Variants in CNTNAP2 observed in about 807,000 individuals in gnomAD.
The protein encoded by CNTNAP2 is contactin associated protein 2.
CNTNAP2 carries 98 observed loss-of-function variants against 155.2 expected under a neutral mutation model. The ratio of observed to expected loss-of-function variants is 0.63; its 90% CI spans 0.54 to 0.75. The LOEUF is 0.75. CNTNAP2 is among the 30% of genes least tolerant of loss of function. CNTNAP2 has a pLI of 0.00. For missense variants in CNTNAP2, 1,727 were observed against 1,688.1 expected (o/e 1.02, Z -0.40); for synonymous variants, 651 against 631.2 (o/e 1.03, Z -0.47).
chr7:148,212,153 T>TC (rs1795562770), intron 18 of CNTNAP2, among the ~76,000 whole-genome samples: 1 of 149,024 alleles, frequency 6.7e-6, no homozygotes, highest in Non-Finnish European at 1.5e-5. Flanking sequence ...TTTTTTTTTT[T>TC]CTCCCACTGT....
At chr7:146,515,813 C>T (rs753173919) in intron 1 of CNTNAP2, among the ~76,000 whole-genome samples, 16 of 151,982 alleles carry the variant, frequency 1.1e-4, no homozygotes, top group Admixed American at 5.9e-4. Flanking sequence ...TGGGGGCAAT[C>T]GTAGCTGGCT....
In CNTNAP2 at chr7:148,036,210, T is replaced by C. The variant is rs565578027; in HGVS notation, c.2383+58221T>C. Among the ~76,000 whole-genome samples the C allele has an allele frequency of 2.6e-5, 4 of 152,232 alleles. No homozygotes were observed. In the South Asian group the frequency reaches 6.2e-4, roughly 24 times the overall value. On this transcript the variant is annotated intron_variant, in intron 15 of 23. Coordinates refer to ENST00000361727, the MANE Select transcript of CNTNAP2 (RefSeq NM_014141.6). ...GTTGGGGCTGGGATGAGTGAAGAGTTTAGAGTCTATTGAGATAGATTGAAT... is the reference window on the plus strand; with the variant it reads ...GTTGGGGCTGGGATGAGTGAAGAGTCTAGAGTCTATTGAGATAGATTGAAT...
intron 3 of CNTNAP2, among the ~76,000 whole-genome samples, chr7:146,903,989 T>C (rs1585147932): frequency 1.3e-5 from 2 of 150,848 alleles, no homozygotes; most frequent in African/African-American, 5.0e-5. Flanking sequence ...ACATAATTAT[T>C]ATATGTCAAT....
chr7:147,840,719 G>A (rs1429394781), intron 13 of CNTNAP2, among the ~76,000 whole-genome samples: 1 of 152,118 alleles, frequency 6.6e-6, no homozygotes, highest in Non-Finnish European at 1.5e-5. Context: ...ATGTAATCCA[G>A]AAGAGAAATG....
At position 148,405,420 on chromosome 7, in the gene CNTNAP2, A is replaced by ATTTTTTTTTTTTTTTTTTTTTTT. The variant is rs36020816; in HGVS notation, c.3716-3967_3716-3945dup. 8.6e-4 allele frequency among the ~76,000 whole-genome samples: 55 copies of ATTTTTTTTTTTTTTTTTTTTTTT among 64,308 alleles called. 9 individuals carry two copies. The highest frequency in any genetic ancestry group is 9.4e-3 in the Middle Eastern group (1 of 106). The allele number at this position is 64,308 out of a possible 152,430, so 42.2% of individuals were successfully genotyped here. A position where few individuals can be genotyped will look rare whatever the true frequency, so the allele number is the denominator to read the frequency against. ...TCAAGGGAACCAGATTACCATTGTA[A>ATTTTTTTTTTTTTTTTTTTTTTT]TTTTTTTTTTTTTTTTTTTTTTTTT... On this transcript the variant is annotated intron_variant, in intron 22 of 23. Coordinates refer to ENST00000361727, the MANE Select transcript of CNTNAP2 (RefSeq NM_014141.6).
At chr7:147,872,180 T>C (rs1042543644) in intron 13 of CNTNAP2, among the ~76,000 whole-genome samples, 3 of 152,228 alleles carry the variant, frequency 2.0e-5, no homozygotes, top group Admixed American at 2.0e-4. Flanking sequence ...TTGGTTATTT[T>C]GGAATTCCTC....
intron 4 of CNTNAP2, among the ~76,000 whole-genome samples, chr7:147,090,008 C>T (rs751360487): frequency 6.6e-6 from 1 of 152,146 alleles, no homozygotes; most frequent in East Asian, 1.9e-4. Context: ...CTTTATGTCT[C>T]TACAGTTTGC....
chr7:147,852,424 A>G (rs897316058), intron 13 of CNTNAP2, among the ~76,000 whole-genome samples: 1 of 152,190 alleles, frequency 6.6e-6, no homozygotes, highest in Non-Finnish European at 1.5e-5. Context: ...ACATGATTAG[A>G]TGAGACAAAA....
chr7:146,455,595 A>G (rs1048572761), intron 1 of CNTNAP2, among the ~76,000 whole-genome samples: 5 of 152,218 alleles, frequency 3.3e-5, no homozygotes, highest in African/African-American at 1.2e-4. Flanking sequence ...CTCTCATTCT[A>G]TACATAATGT....
At chr7:147,981,551 C>G (rs73464281) in intron 15 of CNTNAP2, among the ~76,000 whole-genome samples, 2 of 152,268 alleles carry the variant, frequency 1.3e-5, no homozygotes, top group Non-Finnish European at 2.9e-5. Flanking sequence ...GAACCTGCCT[C>G]TTGAATTAGG....
chr7:146,893,264 T>G (rs1300986232), intron 3 of CNTNAP2, among the ~76,000 whole-genome samples: 1 of 152,076 alleles, frequency 6.6e-6, no homozygotes, highest in Non-Finnish European at 1.5e-5. Context: ...AGTTTTAAAT[T>G]TTATACCTTT....
intron 9 of CNTNAP2, among the ~76,000 whole-genome samples, chr7:147,334,214 G>A (rs141528699): frequency 4.6e-4 from 70 of 152,208 alleles, no homozygotes; most frequent in Middle Eastern, 3.4e-3. Flanking sequence ...TATTCTATCT[G>A]CCTCCTCCTT....
At chr7:147,083,576 GTATA>G (rs376711756) in intron 4 of CNTNAP2, among the ~76,000 whole-genome samples, 4,361 of 133,834 alleles carry the variant, frequency 0.033, 209 homozygotes, top group African/African-American at 0.11. Flanking sequence ...ACATATATAT[GTATA>G]TATATATACA....
chr7:148,390,813 T>C (rs2116677637), intron 22 of CNTNAP2, among the ~76,000 whole-genome samples: 1 of 152,346 alleles, frequency 6.6e-6, no homozygotes, highest in South Asian at 2.1e-4. Flanking sequence ...CACTATTTGT[T>C]ACCTCTCCAA....
chr7:147,352,251 A>T (rs1472675949), intron 9 of CNTNAP2, among the ~76,000 whole-genome samples: 1 of 151,980 alleles, frequency 6.6e-6, no homozygotes, highest in African/African-American at 2.4e-5. Flanking sequence ...TTCTGCAATG[A>T]CTATAATGTA....
intron 9 of CNTNAP2, among the ~76,000 whole-genome samples, chr7:147,325,156 T>C (rs1360921652): frequency 3.3e-5 from 5 of 151,920 alleles, no homozygotes; most frequent in African/African-American, 1.2e-4. Flanking sequence ...AAAAATTAGC[T>C]GGGCATGGTG....
chr7:148,150,738 T>TTTTG (rs374848902), intron 17 of CNTNAP2, among the ~76,000 whole-genome samples: 42 of 152,148 alleles, frequency 2.8e-4, no homozygotes, highest in African/African-American at 6.7e-4. Flanking sequence ...TATTTCTATG[T>TTTTG]TTTGTTTGTT....
At chr7:147,055,086 C>T (rs576026552) in intron 4 of CNTNAP2, among the ~76,000 whole-genome samples, 1 of 152,182 alleles carries the variant, frequency 6.6e-6, no homozygotes, top group Admixed American at 6.5e-5. Flanking sequence ...CAACCCGTAC[C>T]AATCATTTTG....
At chr7:146,677,484 C>T (rs6959595) in intron 1 of CNTNAP2, among the ~76,000 whole-genome samples, 123,019 of 152,048 alleles carry the variant, frequency 0.81, 50,374 homozygotes, top group South Asian at 0.91. Context: ...AGGTTACCTT[C>T]GGAATGCCCT....
Sources: allele counts gnomAD v4.1 joint callset (sites outside exome capture counted in the v4.1 genomes callset), GRCh38; gene constraint gnomAD v4.1.1; transcripts MANE v1.5; gene names NCBI Gene and HGNC (gene_info 2026-07-23, HGNC 2026-07-21).